CTNNA2: variants seen among roughly 807,000 people sequenced by gnomAD.
CTNNA2 encodes the protein catenin alpha 2, also known as catenin alpha-2.
A neutral mutation model predicts 101.0 loss-of-function variants in CTNNA2; 42 were observed. The observed-to-expected ratio is 0.42, with a 90% CI of 0.32 to 0.54. The LOEUF is 0.54. Ranked by LOEUF, CTNNA2 falls within the 20% of genes least tolerant of loss-of-function variation. The pLI is 0.14. For synonymous variants in CTNNA2, 450 were observed against 456.4 expected (o/e 0.99, Z 0.18); for missense variants, 871 against 1,223.1 (o/e 0.71, Z 4.29).
At chr2:79,597,365 C>A (rs1020700424) in intron 1 of CTNNA2, among the ~76,000 whole-genome samples, 9 of 151,180 alleles carry the variant, frequency 6.0e-5, no homozygotes, top group Non-Finnish European at 1.3e-4. Flanking sequence ...CCAGCTACTC[C>A]GGAGGCTGAG....
chr2:79,256,549 C>A (rs987887937), intron 2 of CTNNA2, among the ~76,000 whole-genome samples: 3 of 152,212 alleles, frequency 2.0e-5, no homozygotes, highest in Admixed American at 6.5e-5. Flanking sequence ...CTAAGAATCA[C>A]TATTTAATTT....
chr2:79,919,769 A>G (rs1436985327), intron 7 of CTNNA2, among the ~76,000 whole-genome samples: 1 of 152,124 alleles, frequency 6.6e-6, no homozygotes, highest in African/African-American at 2.4e-5. Context: ...TTCCAAAGAT[A>G]AGCTCCCTTG....
intron 7 of CTNNA2, among the ~76,000 whole-genome samples, chr2:80,142,138 A>T (rs1002147207): frequency 6.6e-6 from 1 of 152,110 alleles, no homozygotes; most frequent in Non-Finnish European, 1.5e-5. Context: ...GGATGCACCT[A>T]TGTCTTATGA....
intron 1 of CTNNA2, among the ~76,000 whole-genome samples, chr2:79,640,271 C>G (rs553218109): frequency 5.9e-5 from 9 of 152,174 alleles, no homozygotes; most frequent in African/African-American, 2.2e-4. Context: ...CTGAGAGGGT[C>G]TTGAAGACAA....
chr2:79,571,914 A>T (rs1675481936), intron 1 of CTNNA2, among the ~76,000 whole-genome samples: 1 of 152,034 alleles, frequency 6.6e-6, no homozygotes, highest in Non-Finnish European at 1.5e-5. Context: ...TGAAGACCCT[A>T]GTCAGTCCTT....
At chr2:80,320,485 G>A (rs779757679) in intron 7 of CTNNA2, among the ~76,000 whole-genome samples, 4 of 152,152 alleles carry the variant, frequency 2.6e-5, no homozygotes, top group East Asian at 1.9e-4. Flanking sequence ...TCAGCTGCTC[G>A]CCTCATAGAG....
intron 7 of CTNNA2, among the ~76,000 whole-genome samples, chr2:80,321,928 T>TTTTA (rs145750433): frequency 0.11 from 17,243 of 151,530 alleles, 1,212 homozygotes; most frequent in East Asian, 0.36. Flanking sequence ...ATTCTCTGTA[T>TTTTA]TTTATTTATT....
intron 7 of CTNNA2, among the ~76,000 whole-genome samples, chr2:79,984,921 G>T (rs1344765366): frequency 6.6e-6 from 1 of 152,154 alleles, no homozygotes; most frequent in East Asian, 1.9e-4. Flanking sequence ...AGGCCAAATT[G>T]CCTGTTTTTC....
At chr2:79,654,299 T>G (rs982530230) in intron 2 of CTNNA2, among the ~76,000 whole-genome samples, 1 of 152,184 alleles carries the variant, frequency 6.6e-6, no homozygotes, top group Non-Finnish European at 1.5e-5. Context: ...TATAACAAGT[T>G]TTCACAAATG....
chr2:79,819,136 C>T (rs548268773), intron 3 of CTNNA2, among the ~76,000 whole-genome samples: 5 of 151,752 alleles, frequency 3.3e-5, no homozygotes, highest in South Asian at 2.1e-4. Flanking sequence ...TGCGCCACCA[C>T]GCCCAGCTAA....
intron 2 of CTNNA2, among the ~76,000 whole-genome samples, chr2:79,655,306 C>G (rs1315547853): frequency 6.6e-6 from 1 of 152,058 alleles, no homozygotes; most frequent in East Asian, 1.9e-4. Flanking sequence ...TGGTATAAAA[C>G]AAACATTGAG....
intron 18 of CTNNA2, among the ~76,000 whole-genome samples, chr2:80,646,074 G>A (rs192364052): frequency 6.6e-6 from 1 of 152,190 alleles, no homozygotes; most frequent in East Asian, 1.9e-4. Flanking sequence ...TACAACTTCT[G>A]ATAACCTCAA....
intron 9 of CTNNA2, among the ~76,000 whole-genome samples, chr2:80,477,138 A>G (rs1685789279): frequency 6.6e-6 from 1 of 152,172 alleles, no homozygotes; most frequent in Admixed American, 6.5e-5. Flanking sequence ...ATGTGGTGGC[A>G]CTGATAAGGA....
chr2:80,154,369 G>GT (rs376761662), intron 7 of CTNNA2, among the ~76,000 whole-genome samples: 63 of 152,274 alleles, frequency 4.1e-4, no homozygotes, highest in African/African-American at 1.4e-3. Flanking sequence ...ATGAGATGAT[G>GT]TTTTTTGAAG....
chr2:79,441,185 A>G (rs954889834), intron 4 of CTNNA2, among the ~76,000 whole-genome samples: 4 of 152,194 alleles, frequency 2.6e-5, no homozygotes, highest in Admixed American at 2.6e-4. Context: ...AGATTGTCCT[A>G]TACAAGGAAT....
intron 7 of CTNNA2, among the ~76,000 whole-genome samples, chr2:80,104,335 T>C (rs1311933983): frequency 1.3e-5 from 2 of 152,230 alleles, no homozygotes; most frequent in East Asian, 3.9e-4. Context: ...GGCAGATAGA[T>C]GGAATGCCTG....
chr2:80,232,166 G>A (rs1039095087), intron 7 of CTNNA2, among the ~76,000 whole-genome samples: 1 of 152,030 alleles, frequency 6.6e-6, no homozygotes, highest in African/African-American at 2.4e-5. Context: ...CACATGTATT[G>A]ATTAACATCG....
intron 8 of CTNNA2, among the ~76,000 whole-genome samples, chr2:80,406,843 A>G (rs931275323): frequency 5.4e-5 from 8 of 149,360 alleles, no homozygotes; most frequent in Non-Finnish European, 8.8e-5. Context: ...AAAAAAAAAA[A>G]AAAAAGAAAA....
chr2:80,029,236 C>T (rs910324910), intron 7 of CTNNA2, among the ~76,000 whole-genome samples: 1 of 152,182 alleles, frequency 6.6e-6, no homozygotes, highest in Non-Finnish European at 1.5e-5. Flanking sequence ...CCTTGTCATC[C>T]TTATTTTACA....
Sources: allele counts gnomAD v4.1 joint callset (sites outside exome capture counted in the v4.1 genomes callset), GRCh38; gene constraint gnomAD v4.1.1; transcripts MANE v1.5; gene names NCBI Gene and HGNC (gene_info 2026-07-23, HGNC 2026-07-21).